Variants in GRID2 observed in about 807,000 individuals in gnomAD.
GRID2 encodes the protein glutamate receptor ionotropic, delta-2.
A neutral mutation model predicts 114.8 loss-of-function variants in GRID2; 33 were observed. The ratio of observed to expected loss-of-function variants is 0.29; its 90% confidence interval spans 0.22 to 0.38. GRID2 has a LOEUF of 0.38. Ranked by LOEUF, GRID2 falls within the 10% of genes least tolerant of loss-of-function variation. The probability of loss-of-function intolerance (pLI) is 1.00; values close to 1 mark genes in which losing one functional copy is unlikely to be tolerated. For missense variants in GRID2, 1,184 were observed against 1,257.7 expected, an observed-to-expected ratio of 0.94 and a Z score of 0.89; for synonymous variants, 505 against 449.9, an observed-to-expected ratio of 1.12 and a Z score of -1.55.
intron 2 of GRID2, among the ~76,000 whole-genome samples, chr4:92,969,314 A>G (rs1271537524): frequency 6.6e-6 from 1 of 151,750 alleles, no homozygotes; most frequent in Non-Finnish European, 1.5e-5. Context: ...ATAGATAAAG[A>G]ATTTTGACTG....
intron 13 of GRID2, among the ~76,000 whole-genome samples, chr4:93,615,019 C>T (rs1249478684): frequency 1.3e-5 from 2 of 152,104 alleles, no homozygotes; most frequent in African/African-American, 4.8e-5. Flanking sequence ...ATAAAATGCA[C>T]TTTGGTGTGC....
intron 14 of GRID2, among the ~76,000 whole-genome samples, chr4:93,753,171 G>A (rs1323640479): frequency 6.6e-6 from 1 of 152,148 alleles, no homozygotes; most frequent in Non-Finnish European, 1.5e-5. Context: ...CTAAAAGAAA[G>A]TGGAATCCAA....
At chr4:93,693,077 T>G (rs2110118890) in intron 14 of GRID2, among the ~76,000 whole-genome samples, 1 of 152,290 alleles carries the variant, frequency 6.6e-6, no homozygotes, top group South Asian at 2.1e-4. Flanking sequence ...TTTCAGAAAA[T>G]AAATCCATCT....
intron 2 of GRID2, among the ~76,000 whole-genome samples, chr4:92,846,505 A>G (rs981788090): frequency 1.3e-5 from 2 of 152,080 alleles, no homozygotes; most frequent in Non-Finnish European, 2.9e-5. Context: ...AATTTTTTAT[A>G]GCTATGTAAT....
intron 2 of GRID2, among the ~76,000 whole-genome samples, chr4:92,790,220 A>G (rs1481151662): frequency 6.6e-6 from 1 of 151,656 alleles, no homozygotes; most frequent in Non-Finnish European, 1.5e-5. Flanking sequence ...ATATGTATAT[A>G]TTTTTTTACA....
intron 2 of GRID2, among the ~76,000 whole-genome samples, chr4:92,996,307 A>T (rs1373358522): frequency 1.4e-5 from 2 of 143,930 alleles, no homozygotes; most frequent in Non-Finnish European, 3.2e-5. Flanking sequence ...AAAAAAAAAT[A>T]AAAAAAATAA....
At chr4:92,709,589 A>AAAAAAT (rs779775767) in intron 2 of GRID2, among the ~76,000 whole-genome samples, 18 of 114,638 alleles carry the variant, frequency 1.6e-4, no homozygotes, top group African/African-American at 3.4e-4. Flanking sequence ...AAAAAAAAAA[A>AAAAAAT]ATATATATAT....
chr4:93,008,796 A>T (rs957982455), intron 2 of GRID2, among the ~76,000 whole-genome samples: 2 of 152,140 alleles, frequency 1.3e-5, no homozygotes, highest in African/African-American at 4.8e-5. Context: ...ATATAAATAA[A>T]ATTTCTCCTT....
At chr4:93,230,675 T>C (rs912057457) in intron 7 of GRID2, among the ~76,000 whole-genome samples, 7 of 152,088 alleles carry the variant, frequency 4.6e-5, no homozygotes, top group African/African-American at 1.7e-4. Flanking sequence ...GGTTTTTTGG[T>C]TTCTAATTTG....
chr4:93,303,882 C>T (rs1755136835), intron 8 of GRID2, among the ~76,000 whole-genome samples: 1 of 151,982 alleles, frequency 6.6e-6, no homozygotes, highest in African/African-American at 2.4e-5. Flanking sequence ...ATGGTATTAC[C>T]ATTTCATAAA....
intron 1 of GRID2, among the ~76,000 whole-genome samples, chr4:92,493,509 G>A (rs1723246953): frequency 6.6e-6 from 1 of 152,082 alleles, no homozygotes; most frequent in Non-Finnish European, 1.5e-5. Flanking sequence ...AATTAATGAC[G>A]GAGTGTGTCA....
At chr4:92,613,804 T>C (rs1366714147) in intron 2 of GRID2, among the ~76,000 whole-genome samples, 3 of 151,488 alleles carry the variant, frequency 2.0e-5, no homozygotes, top group Non-Finnish European at 3.0e-5. Flanking sequence ...CTTTTGATTG[T>C]AGTGATTTTT....
intron 1 of GRID2, among the ~76,000 whole-genome samples, chr4:92,409,412 A>G (rs1399424141): frequency 6.6e-6 from 1 of 152,152 alleles, no homozygotes; most frequent in Non-Finnish European, 1.5e-5. Flanking sequence ...AGAGAATGGT[A>G]TAATATGTTT....
chr4:92,759,649 G>C (rs1737893612), intron 2 of GRID2, among the ~76,000 whole-genome samples: 1 of 151,976 alleles, frequency 6.6e-6, no homozygotes, highest in South Asian at 2.1e-4. Context: ...TTGTTGCCCA[G>C]GCTGGAGTGC....
chr4:92,615,940 C>T (rs543441129), intron 2 of GRID2, among the ~76,000 whole-genome samples: 14 of 151,588 alleles, frequency 9.2e-5, no homozygotes, highest in Admixed American at 5.9e-4. Flanking sequence ...CTGTTATTGT[C>T]TTTATATGTT....
intron 2 of GRID2, among the ~76,000 whole-genome samples, chr4:92,724,560 T>C (rs1303486962): frequency 6.6e-6 from 1 of 152,184 alleles, no homozygotes; most frequent in African/African-American, 2.4e-5. Context: ...AATGTAAAAT[T>C]GTATGACTAT....
exon 2 of GRID2, chr4:93,809,601 A>C (rs1735093377): frequency 6.6e-6 from 1 of 152,220 alleles, no homozygotes; most frequent in Non-Finnish European, 1.5e-5. Context: ...ACTACAATTC[A>C]TTCTTCAGCT....
chr4:93,053,809 A>C (rs2149284053), intron 2 of GRID2, among the ~76,000 whole-genome samples: 1 of 152,112 alleles, frequency 6.6e-6, no homozygotes. Context: ...ATACTGGGAA[A>C]GGAGCAAAGT....
Position 93,769,369 on chromosome 4 carries a change from T to C in GRID2, c.2520T>C (p.Ala840=), listed in dbSNP as rs965360588. The C allele has an allele frequency of 1.2e-6, 2 of 1,613,876 alleles. No homozygotes were observed. Among genetic ancestry groups the C allele is most frequent in the Non-Finnish European group, 1.7e-6 (2 of 1,179,930 alleles). Residue 840 remains alanine (A), a synonymous_variant, in exon 15 of 16, where the codon GCT becomes GCC. Coordinates refer to ENST00000282020, the MANE Select transcript of GRID2 (RefSeq NM_001510.4). ...SFAGVFCILA[A]GIVLSCFIAM... is the part of the protein sequence containing the mutation. ...CAGGGGTCTTTTGTATCCTGGCTGC[T>C]GGAATTGTCCTCTCCTGCTTCATAG...
Sources: allele counts gnomAD v4.1 joint callset (sites outside exome capture counted in the v4.1 genomes callset), GRCh38; gene constraint gnomAD v4.1.1; transcripts MANE v1.5; gene names NCBI Gene and HGNC (gene_info 2026-07-23, HGNC 2026-07-21).